Variants in CAPN8 observed in about 807,000 individuals in gnomAD.
CAPN8 encodes calpain 8.
Under a neutral mutation model 80.9 loss-of-function variants are expected in CAPN8, and 87 were observed. The ratio of observed to expected loss-of-function variants is 1.07; its 90% CI spans 0.90 to 1.28. The LOEUF (loss-of-function observed/expected upper bound fraction) is 1.28. CAPN8 is among the 50% of genes most tolerant of loss of function. The probability of loss-of-function intolerance (pLI) is 0.00; values close to 1 mark genes in which losing one functional copy is unlikely to be tolerated. For missense variants in CAPN8, 757 were observed against 702.0 expected, an observed-to-expected ratio of 1.08 and a Z score of -0.89; for synonymous variants, 299 against 273.8, an observed-to-expected ratio of 1.09 and a Z score of -0.91.
chr1:223,546,712 T>G (rs1656631710), intron 16 of CAPN8, among the ~76,000 whole-genome samples: 1 of 152,190 alleles, frequency 6.6e-6, no homozygotes, highest in African/African-American at 2.4e-5. Context: ...ATTTAGTAAC[T>G]TCCTCAAATT....
chr1:223,615,840 T>C (rs1467757645), intron 10 of CAPN8, 130 bp downstream of exon 10: 5 of 1,133,100 alleles, frequency 4.4e-6, no homozygotes, highest in African/African-American at 1.5e-5. Context: ...GAGAGGTATA[T>C]AGAGGAGCAA....
At chr1:223,654,519 C>T in intron 1 of CAPN8, 120 bp from the exon 2 acceptor site, 1 of 834,480 alleles carries the variant, frequency 1.2e-6, no homozygotes, top group Non-Finnish European at 2.0e-6. Flanking sequence ...TTGTCTACTG[C>T]CCATCACATG....
In CAPN8 at chr1:223,618,653, G is replaced by T. The variant is rs73119736; in HGVS notation, c.1135+640C>A. On this transcript the variant is annotated intron_variant, in intron 9 of 20. Coordinates refer to ENST00000366872, the MANE Select transcript of CAPN8 (RefSeq NM_001143962.2). Reference sequence around the variant, plus strand: ...TGGGGAGGAAGGGGCAAAAGCCCAAGGGAAGAACAGGAGGCCTTAGCATAA... The same window carrying T: ...TGGGGAGGAAGGGGCAAAAGCCCAATGGAAGAACAGGAGGCCTTAGCATAA... Among the ~76,000 whole-genome samples the T allele has an allele frequency of 6.0e-3, 921 of 152,356 alleles. 10 individuals are homozygous for T. The highest frequency in any genetic ancestry group is 0.02 in the African/African-American group (839 of 41,586).
chr1:223,638,230 T>A (rs899536927), intron 2 of CAPN8, among the ~76,000 whole-genome samples: 1 of 152,142 alleles, frequency 6.6e-6, no homozygotes, highest in Non-Finnish European at 1.5e-5. Flanking sequence ...TTAAAGTATA[T>A]GGGAGGATAT....
At chr1:223,659,108 C>T (rs1658572121) in intron 1 of CAPN8, among the ~76,000 whole-genome samples, 1 of 152,192 alleles carries the variant, frequency 6.6e-6, no homozygotes, top group Non-Finnish European at 1.5e-5. Flanking sequence ...ATACAAATTA[C>T]TCTAACCTAG....
chr1:223,654,564 G>T (rs1393632742), intron 1 of CAPN8, among the ~76,000 whole-genome samples, 165 bp from the exon 2 acceptor site: 1 of 152,220 alleles, frequency 6.6e-6, no homozygotes, highest in Admixed American at 6.5e-5. Flanking sequence ...CCCAGAGAGG[G>T]GATGAGCCCT....
At position 223,625,837 on chromosome 1, in the gene CAPN8, T is replaced by G; in HGVS notation, c.781A>C (p.Ser261Arg). 1 of 1,551,626 alleles carries G rather than the reference T, an allele frequency of 6.4e-7. No homozygotes were observed. The highest frequency in any genetic ancestry group is 1.2e-5 in the South Asian group (1 of 84,050). Residue 261 changes from serine to arginine, a missense_variant, in exon 6 of 21, where the codon AGT (serine) becomes CGT (arginine). Physicochemically the swap from Ser to Arg is moderately radical, Grantham distance 110 (BLOSUM62 -1). Transcript: ENST00000366872. The stretch of plus-strand genomic sequence containing the variant: ...ACTCCAGTGACAGAGTACGCATGAC[T>G]CTTAACCAGCTTCTGGCTGGTGATG... ...EAITSQKLVK[S>R]HAYSVTGVEE...
At chr1:223,635,189 C>G (rs1657883403) in intron 2 of CAPN8, among the ~76,000 whole-genome samples, 1 of 152,224 alleles carries the variant, frequency 6.6e-6, no homozygotes, top group Non-Finnish European at 1.5e-5. Flanking sequence ...GAAGGCTGCT[C>G]TAAATGTTTT....
In CAPN8 at chr1:223,661,096, G is replaced by A. The variant is rs545402599; in HGVS notation, c.237+4314C>T. Among the ~76,000 whole-genome samples, 3 of 151,998 alleles carry A rather than the reference G, an allele frequency of 2.0e-5. No homozygotes were observed. The South Asian group carries it at 6.2e-4, about 32-fold the overall frequency. On this transcript the variant is annotated intron_variant, in intron 1 of 20. Coordinates refer to ENST00000366872, the MANE Select transcript of CAPN8 (RefSeq NM_001143962.2). ...CACGAGAATCACTTGATTCTAGGAG[G>A]CAGAGGTTGCAGTGAGCCAAGATTG...
chr1:223,632,875 A>G lies in CAPN8; in HGVS notation c.308-4095T>C, dbSNP rs1657812341. ...TCATGGGAATTTAGGGAAGGTTTCC[A>G]TGTCCTGATGAAGTGGGGCAGACTT... On this transcript the variant is annotated intron_variant, in intron 2 of 20. Coordinates refer to ENST00000366872, the MANE Select transcript of CAPN8 (RefSeq NM_001143962.2). 2.6e-5 allele frequency among the ~76,000 whole-genome samples: 4 copies of G among 152,186 alleles called. No individual in the cohort carries two copies. The South Asian group carries it at 8.3e-4, about 32-fold the overall frequency.
chr1:223,652,160 A>C (rs1384869249), intron 2 of CAPN8, among the ~76,000 whole-genome samples: 1 of 152,134 alleles, frequency 6.6e-6, no homozygotes, highest in East Asian at 1.9e-4. Flanking sequence ...ACGACATGGC[A>C]AAACCCTGTC....
chr1:223,615,868 GA>G, intron 10 of CAPN8, 101 bp downstream of exon 10: 1 of 1,416,836 alleles, frequency 7.1e-7, no homozygotes, highest in Non-Finnish European at 9.7e-7. Context: ...TCTCGATTAG[GA>G]ATACTCCAGC....
intron 6 of CAPN8, among the ~76,000 whole-genome samples, chr1:223,623,998 GAAAAAA>G (rs71702521): frequency 2.3e-5 from 3 of 132,226 alleles, no homozygotes; most frequent in South Asian, 2.4e-4. Context: ...GACTCCACCT[GAAAAAA>G]AAAAAAAAGA....
chr1:223,664,038 G>T (rs1375544458), intron 1 of CAPN8, among the ~76,000 whole-genome samples: 5 of 152,214 alleles, frequency 3.3e-5, no homozygotes, highest in Non-Finnish European at 2.9e-5. Flanking sequence ...AGAGCACTTT[G>T]TATGGATGAG....
intron 13 of CAPN8, among the ~76,000 whole-genome samples, chr1:223,557,699 T>C (rs1473321466): frequency 6.6e-6 from 1 of 152,212 alleles, no homozygotes; most frequent in Non-Finnish European, 1.5e-5. Context: ...AGACTACACA[T>C]ACTCAAGTTT....
At chr1:223,647,676 C>T (rs923943247) in intron 2 of CAPN8, among the ~76,000 whole-genome samples, 3 of 152,058 alleles carry the variant, frequency 2.0e-5, no homozygotes, top group East Asian at 1.9e-4. Flanking sequence ...TCGACACCTG[C>T]TGCAGTCATA....
intron 12 of CAPN8, 81 bp downstream of exon 12, chr1:223,609,072 G>A (rs1297856015): frequency 5.3e-5 from 21 of 397,300 alleles, no homozygotes; most frequent in Non-Finnish European, 8.4e-5. Context: ...GAGCTGGGGT[G>A]GGTCCTGCAC....
intron 1 of CAPN8, among the ~76,000 whole-genome samples, chr1:223,664,021 G>A (rs976728735): frequency 1.3e-5 from 2 of 152,198 alleles, no homozygotes; most frequent in African/African-American, 4.8e-5. Flanking sequence ...TATGAGCTCT[G>A]TTGAACAGAG....
intron 9 of CAPN8, 39 bp from the exon 10 acceptor site, chr1:223,616,184 G>A (rs569107880): frequency 4.2e-5 from 64 of 1,523,228 alleles, no homozygotes; most frequent in African/African-American, 2.5e-4. Flanking sequence ...CCCACGTAGC[G>A]GGTGAGGAGA....
Sources: allele counts gnomAD v4.1 joint callset (sites outside exome capture counted in the v4.1 genomes callset), GRCh38; gene constraint gnomAD v4.1.1; transcripts MANE v1.5; gene names NCBI Gene and HGNC (gene_info 2026-07-23, HGNC 2026-07-21).